SAMTOR: variants seen among roughly 807,000 people sequenced by gnomAD.
SAMTOR encodes the protein UPF0532 protein C7orf60.
the SAMTOR span, among the ~76,000 whole-genome samples, chr7:112,824,906 C>T: frequency 6.6e-6 from 1 of 152,096 alleles, no homozygotes; most frequent in Non-Finnish European, 1.5e-5. Flanking sequence ...TGTTACTCTC[C>T]AACACTGTCC....
At chr7:112,825,440 C>T in the SAMTOR span, among the ~76,000 whole-genome samples, 1 of 152,116 alleles carries the variant, frequency 6.6e-6, no homozygotes, top group Non-Finnish European at 1.5e-5. Context: ...ATAAACATTT[C>T]ATATTTTTGA....
the SAMTOR span, among the ~76,000 whole-genome samples, chr7:112,841,020 C>T: frequency 1.3e-5 from 2 of 152,044 alleles, no homozygotes; most frequent in African/African-American, 4.8e-5. Context: ...TGAAAACTGG[C>T]ACATGACAAG....
At chr7:112,887,977 AGATTT>A in the SAMTOR span, among the ~76,000 whole-genome samples, 3 of 152,040 alleles carry the variant, frequency 2.0e-5, no homozygotes, top group Non-Finnish European at 4.4e-5. Context: ...TCTTCTGCTT[AGATTT>A]AATTTGCTCT....
the SAMTOR span, among the ~76,000 whole-genome samples, chr7:112,927,632 A>G: frequency 6.6e-6 from 1 of 152,110 alleles, no homozygotes; most frequent in South Asian, 2.1e-4. Context: ...TACAAGGGGA[A>G]AGGGAGGCGT....
At chr7:112,885,167 AG>A in the SAMTOR span, among the ~76,000 whole-genome samples, 120,547 of 152,056 alleles carry the variant, frequency 0.79, 49,295 homozygotes, top group African/African-American at 0.95. Flanking sequence ...TGCACAGGGC[AG>A]GGGGGGCCCT....
the SAMTOR span, among the ~76,000 whole-genome samples, chr7:112,826,941 A>G: frequency 1.2e-4 from 18 of 152,104 alleles, no homozygotes; most frequent in African/African-American, 4.1e-4. Flanking sequence ...TTGACAGTTT[A>G]TCAGTTTTTG....
At chr7:112,864,817 C>T in the SAMTOR span, among the ~76,000 whole-genome samples, 2 of 152,188 alleles carry the variant, frequency 1.3e-5, no homozygotes, top group East Asian at 3.9e-4. Flanking sequence ...TGCAGTGGCA[C>T]AATCACAGCT....
chr7:112,867,722 G>T, the SAMTOR span, among the ~76,000 whole-genome samples: 364 of 152,288 alleles, frequency 2.4e-3, 2 homozygotes, highest in East Asian at 0.011. Flanking sequence ...CTGCAGAAAA[G>T]AACTATATTT....
At chr7:112,898,290 G>A in the SAMTOR span, among the ~76,000 whole-genome samples, 121 of 152,218 alleles carry the variant, frequency 7.9e-4, 2 homozygotes, top group Non-Finnish European at 2.8e-4. Context: ...CTCAGCAGAG[G>A]CTGTGAGCCC....
At chr7:112,844,390 G>C in the SAMTOR span, among the ~76,000 whole-genome samples, 33 of 152,084 alleles carry the variant, frequency 2.2e-4, no homozygotes, top group Admixed American at 6.6e-4. Context: ...TCATGGTCTT[G>C]GCCCAAAAGC....
chr7:112,917,814 G>A, the SAMTOR span, among the ~76,000 whole-genome samples: 3 of 152,140 alleles, frequency 2.0e-5, no homozygotes, highest in African/African-American at 7.2e-5. Context: ...GAAGCCTCAG[G>A]AGCTGATGCG....
chr7:112,908,931 G>T, the SAMTOR span, among the ~76,000 whole-genome samples: 1 of 152,048 alleles, frequency 6.6e-6, no homozygotes, highest in Non-Finnish European at 1.5e-5. Flanking sequence ...ATAATGAAAA[G>T]ACCTCACGTT....
At chr7:112,910,417 G>C in the SAMTOR span, among the ~76,000 whole-genome samples, 6 of 152,078 alleles carry the variant, frequency 3.9e-5, no homozygotes, top group East Asian at 3.9e-4. Flanking sequence ...TAAATGTCAA[G>C]AAATAATACA....
the SAMTOR span, among the ~76,000 whole-genome samples, chr7:112,906,159 T>G: frequency 6.6e-6 from 1 of 152,194 alleles, no homozygotes; most frequent in South Asian, 2.1e-4. Context: ...TTAAGGTGAC[T>G]TCATTATTGT....
the SAMTOR span, among the ~76,000 whole-genome samples, chr7:112,934,628 TC>T: frequency 6.6e-6 from 1 of 152,338 alleles, no homozygotes; most frequent in Admixed American, 6.5e-5. Context: ...CCTAGATTCC[TC>T]CTACTACAAT....
At chr7:112,857,896 G>A in the SAMTOR span, among the ~76,000 whole-genome samples, 1 of 152,126 alleles carries the variant, frequency 6.6e-6, no homozygotes, top group African/African-American at 2.4e-5. Flanking sequence ...AGCTTGTCAG[G>A]GTCAGAGTAG....
chr7:112,936,871 A>G, the SAMTOR span, among the ~76,000 whole-genome samples: 1 of 152,156 alleles, frequency 6.6e-6, no homozygotes, highest in South Asian at 2.1e-4. Flanking sequence ...CCTAATGGAA[A>G]TTCTAGGGCC....
At chr7:112,839,004 C>T in the SAMTOR span, among the ~76,000 whole-genome samples, 1 of 151,818 alleles carries the variant, frequency 6.6e-6, no homozygotes. Context: ...ATCTAATACT[C>T]AGAATTTGGT....
At chr7:112,915,786 A>G in the SAMTOR span, among the ~76,000 whole-genome samples, 1 of 152,236 alleles carries the variant, frequency 6.6e-6, no homozygotes, top group Non-Finnish European at 1.5e-5. Context: ...ATCAGTTAAT[A>G]ATCCAAAGAC....
Sources: allele counts gnomAD v4.1 joint callset (sites outside exome capture counted in the v4.1 genomes callset), GRCh38; gene constraint gnomAD v4.1.1; transcripts MANE v1.5; gene names NCBI Gene and HGNC (gene_info 2026-07-23, HGNC 2026-07-21).